Variants in PSMD14 observed in about 807,000 individuals in gnomAD.
PSMD14 encodes the protein ubiquitin C-terminal hydrolase PSMD14.
Under a neutral mutation model 41.2 loss-of-function variants are expected in PSMD14, and 7 were observed. That is an observed-to-expected ratio of 0.17 (90% CI 0.10 to 0.32). PSMD14 has a LOEUF of 0.32. PSMD14 is among the 10% of genes least tolerant of loss of function. PSMD14 has a pLI of 1.00. For missense variants in PSMD14, 139 were observed against 375.6 expected, an observed-to-expected ratio of 0.37 and a Z score of 5.21; for synonymous variants, 114 against 122.3, an observed-to-expected ratio of 0.93 and a Z score of 0.45.
chr2:161,377,050 T>A (rs909717022), intron 7 of PSMD14, among the ~76,000 whole-genome samples: 5 of 151,756 alleles, frequency 3.3e-5, no homozygotes, highest in Non-Finnish European at 7.4e-5. Context: ...ATGGACATTA[T>A]CCTTGATCAA....
intron 5 of PSMD14, among the ~76,000 whole-genome samples, chr2:161,368,188 C>G (rs1031071748): frequency 1.3e-5 from 2 of 152,032 alleles, no homozygotes; most frequent in Non-Finnish European, 2.9e-5. Context: ...GTTACTTACC[C>G]TATAATAGCA....
chr2:161,311,454 T>C (rs1689086272), intron 1 of PSMD14, among the ~76,000 whole-genome samples: 1 of 152,072 alleles, frequency 6.6e-6, no homozygotes, highest in Non-Finnish European at 1.5e-5. Flanking sequence ...TTAAAGTATA[T>C]AGGAGGATGT....
chr2:161,369,023 ACT>A (rs973447106), intron 5 of PSMD14, among the ~76,000 whole-genome samples: 8 of 152,004 alleles, frequency 5.3e-5, no homozygotes, highest in Non-Finnish European at 1.2e-4. Flanking sequence ...ATAGAGAAAC[ACT>A]CTACATGTTA....
At chr2:161,381,593 T>A (rs1683570347) in intron 7 of PSMD14, 1 of 151,914 alleles carries the variant, frequency 6.6e-6, no homozygotes, top group Non-Finnish European at 1.5e-5. Context: ...ACAAATTTAG[T>A]CTAGTCTTTC....
chr2:161,385,779 A>G (rs1040348346), intron 8 of PSMD14, among the ~76,000 whole-genome samples: 6 of 151,694 alleles, frequency 4.0e-5, no homozygotes, highest in Admixed American at 2.0e-4. Flanking sequence ...AAATTTTCCT[A>G]TCATATTTGA....
chr2:161,373,397 C>T (rs1194634400), intron 7 of PSMD14, among the ~76,000 whole-genome samples: 1 of 151,716 alleles, frequency 6.6e-6, no homozygotes, highest in Non-Finnish European at 1.5e-5. Context: ...AAATAAGGAT[C>T]CAGTTCTTTG....
At chr2:161,338,973 T>A (rs1415252136) in intron 3 of PSMD14, among the ~76,000 whole-genome samples, 1 of 152,274 alleles carries the variant, frequency 6.6e-6, no homozygotes, top group Non-Finnish European at 1.5e-5. Context: ...TGTGTATTCA[T>A]ATTTCATTTT....
chr2:161,371,087 T>A (rs987599327), intron 6 of PSMD14, 85 bp from the exon 7 acceptor site: 26 of 1,407,562 alleles, frequency 1.8e-5, no homozygotes, highest in African/African-American at 5.7e-5. Context: ...TCTTAATTTA[T>A]ACCCCGTTAG....
chr2:161,338,617 G>T (rs920285997), intron 3 of PSMD14, among the ~76,000 whole-genome samples: 2 of 152,046 alleles, frequency 1.3e-5, no homozygotes, highest in Non-Finnish European at 2.9e-5. Context: ...CAGTATAGGA[G>T]TATTTATAGG....
At chr2:161,372,453 A>G (rs1683448841) in intron 7 of PSMD14, among the ~76,000 whole-genome samples, 1 of 152,104 alleles carries the variant, frequency 6.6e-6, no homozygotes, top group African/African-American at 2.4e-5. Flanking sequence ...TTCTGACATC[A>G]TGTCATTATC....
At chr2:161,310,038 G>A (rs1055908359) in intron 1 of PSMD14, among the ~76,000 whole-genome samples, 7 of 152,100 alleles carry the variant, frequency 4.6e-5, no homozygotes, top group Non-Finnish European at 8.8e-5. Context: ...GCACGTGCCT[G>A]TATTCCCAGC....
chr2:161,361,002 T>C (rs1018217067), intron 3 of PSMD14, among the ~76,000 whole-genome samples: 4 of 152,236 alleles, frequency 2.6e-5, no homozygotes, highest in Non-Finnish European at 4.4e-5. Context: ...TTTAGGTATT[T>C]AGAAATTTAG....
intron 3 of PSMD14, among the ~76,000 whole-genome samples, chr2:161,322,083 C>T (rs909469359): frequency 6.6e-6 from 1 of 152,126 alleles, no homozygotes; most frequent in Non-Finnish European, 1.5e-5. Flanking sequence ...TGCAAGCTAT[C>T]TAGGGGTGTG....
chr2:161,320,328 C>T (rs2105231355), intron 3 of PSMD14, among the ~76,000 whole-genome samples: 1 of 152,306 alleles, frequency 6.6e-6, no homozygotes, highest in East Asian at 1.9e-4. Flanking sequence ...AACCCCTGGA[C>T]ATGAAATAAT....
At chr2:161,353,101 CTA>C (rs1447052228) in intron 3 of PSMD14, among the ~76,000 whole-genome samples, 1 of 152,268 alleles carries the variant, frequency 6.6e-6, no homozygotes, top group Non-Finnish European at 1.5e-5. Flanking sequence ...GGCTTTAAGA[CTA>C]TGAGTCAGAT....
At chr2:161,346,416 T>C (rs1012007413) in intron 3 of PSMD14, among the ~76,000 whole-genome samples, 1 of 151,918 alleles carries the variant, frequency 6.6e-6, no homozygotes, top group Non-Finnish European at 1.5e-5. Context: ...TTTTGACAGT[T>C]TTAAAAACTT....
chr2:161,390,798 G>A (rs1462840680), intron 8 of PSMD14, among the ~76,000 whole-genome samples: 1 of 152,026 alleles, frequency 6.6e-6, no homozygotes, highest in Non-Finnish European at 1.5e-5. Context: ...AATAAATTAT[G>A]AATGATTTAT....
chr2:161,359,481 TA>T (rs199712276), intron 3 of PSMD14, among the ~76,000 whole-genome samples: 1,817 of 152,238 alleles, frequency 0.012, 28 homozygotes, highest in African/African-American at 0.041. Context: ...AATAAAAAGT[TA>T]TTTTTTTAAG....
rs780096375 is a variant in PSMD14 at position 161,408,863 on chromosome 2, A to G, written c.798A>G (p.Thr266=). The G allele has an allele frequency of 3.7e-6, 6 of 1,607,538 alleles. No homozygotes were observed. The highest frequency in any genetic ancestry group is 5.1e-6 in the Non-Finnish European group (6 of 1,175,282). Residue 266 remains threonine, a synonymous_variant, in exon 11 of 12, where the codon ACA becomes ACG. Coordinates refer to ENST00000409682, the MANE Select transcript of PSMD14 (RefSeq NM_005805.6). ...CTGTAGAAGAAGAAGATAAGATGACACCTGAACAGCTGGCAATAAAGAATG... is the reference window on the plus strand; with the variant it reads ...CTGTAGAAGAAGAAGATAAGATGACGCCTGAACAGCTGGCAATAAAGAATG... ...NKAVEEEDKM[T]PEQLAIKNVG...
Sources: allele counts gnomAD v4.1 joint callset (sites outside exome capture counted in the v4.1 genomes callset), GRCh38; gene constraint gnomAD v4.1.1; transcripts MANE v1.5; gene names NCBI Gene and HGNC (gene_info 2026-07-23, HGNC 2026-07-21).